AAAS: variants seen among roughly 807,000 people sequenced by gnomAD.
The protein encoded by AAAS is aladin.
In AAAS, 60 loss-of-function variants were observed where a neutral mutation model predicts 75.6. The observed-to-expected ratio is 0.79, with a 90% confidence interval of 0.64 to 0.98. The LOEUF (loss-of-function observed/expected upper bound fraction) is 0.98, where lower values mean the gene tolerates loss of function less well. Among genes scored for constraint, AAAS ranks in the 50% least tolerant of loss-of-function variants. The pLI, the probability that AAAS is intolerant of heterozygous loss-of-function variation, is 0.00. For synonymous variants in AAAS, 271 were observed against 265.0 expected, an observed-to-expected ratio of 1.02 and a Z score of -0.22; for missense variants, 658 against 686.9, an observed-to-expected ratio of 0.96 and a Z score of 0.47.
At chr12:53,312,917 C>T (rs1334855819) in intron 7 of AAAS, among the ~76,000 whole-genome samples, 3 of 149,030 alleles carry the variant, frequency 2.0e-5, no homozygotes, top group South Asian at 2.1e-4. Flanking sequence ...AGTACAGTGG[C>T]GTGATCTCAG....
intron 7 of AAAS, among the ~76,000 whole-genome samples, chr12:53,310,740 TCAGCTCC>T (rs1178079093): frequency 6.6e-6 from 1 of 152,164 alleles, no homozygotes; most frequent in Admixed American, 6.6e-5. Flanking sequence ...ATAACCACCT[TCAGCTCC>T]AGTGAAGTCT....
rs1944352361 is a variant in AAAS at position 53,309,482 on chromosome 12, G to A, written c.810+119C>T. 6 of 1,569,326 alleles carry A rather than the reference G, an allele frequency of 3.8e-6. No individual in the cohort carries two copies. The South Asian group carries it at 6.9e-5, about 18-fold the overall frequency. On this transcript the variant is annotated intron_variant, in intron 8 of 15. Coordinates refer to ENST00000209873, the MANE Select transcript of AAAS (RefSeq NM_015665.6). Reference sequence around the variant, plus strand: ...GTCTGATGGCAAAGCTCCTCTCTGGGTAAGTTTAAGACTGAATGGACCAAG... The same window carrying A: ...GTCTGATGGCAAAGCTCCTCTCTGGATAAGTTTAAGACTGAATGGACCAAG...
At chr12:53,312,797 A>G (rs1944408934) in intron 7 of AAAS, among the ~76,000 whole-genome samples, 1 of 149,272 alleles carries the variant, frequency 6.7e-6, no homozygotes. Context: ...ATATATATAT[A>G]TACGTGTATA....
intron 7 of AAAS, among the ~76,000 whole-genome samples, chr12:53,310,204 T>C (rs1262956233): frequency 5.9e-5 from 9 of 152,166 alleles, no homozygotes; most frequent in Admixed American, 5.2e-4. Context: ...CAAACAGCCC[T>C]CCTGCCTTGC....
chr12:53,320,944 CCT>C (rs1357675328), intron 1 of AAAS: 31 of 557,146 alleles, frequency 5.6e-5, no homozygotes, highest in Non-Finnish European at 9.6e-5. Flanking sequence ...CCTGACTCAG[CCT>C]CTTTCTTACA....
In AAAS at chr12:53,308,975, T is replaced by G; in HGVS notation, c.981A>C (p.Leu327=). 1 of 1,614,196 alleles carries G rather than the reference T, an allele frequency of 6.2e-7. No individual in the cohort carries two copies. Among genetic ancestry groups the G allele is most frequent in the Non-Finnish European group, 8.5e-7 (1 of 1,180,028 alleles). ...QMWTCERWPT[L]SGRCQTGCWS... ...CCCCTCTTACCTGACAGCGCCCTGATAGAGTAGGCCACCTCTCACAAGTCC... is the reference window on the plus strand; with the variant it reads ...CCCCTCTTACCTGACAGCGCCCTGAGAGAGTAGGCCACCTCTCACAAGTCC... The change falls in exon 10 of 16, where the codon CTA becomes CTC. Residue 327 remains leucine (L), a synonymous_variant. Coordinates refer to ENST00000209873, the MANE Select transcript of AAAS (RefSeq NM_015665.6).
intron 2 of AAAS, 23 bp downstream of exon 2, chr12:53,320,542 G>A: frequency 6.2e-7 from 1 of 1,613,184 alleles, no homozygotes; most frequent in Non-Finnish European, 8.5e-7. Flanking sequence ...CTGTGACCCA[G>A]GAAACCCTTT....
chr12:53,321,199 G>A, intron 1 of AAAS, 144 bp downstream of exon 1: 2 of 1,302,442 alleles, frequency 1.5e-6, no homozygotes, highest in Non-Finnish European at 2.1e-6. Flanking sequence ...ACAGATTCCA[G>A]CCCTTCTAGC....
chr12:53,307,553 G>T lies in AAAS; in HGVS notation c.1577C>A (p.Ala526Asp), dbSNP rs1482342165. Reference sequence around the variant, plus strand: ...TGGCCCTGGGAGAGGGTCCCAAGGGGCAGAGGTTGGGGATGTCTCAGTAAA... The same window carrying T: ...TGGCCCTGGGAGAGGGTCCCAAGGGTCAGAGGTTGGGGATGTCTCAGTAAA... ...PLFTETSPTS[A>D]PWDPLPGPPP... The change falls in exon 16 of 16, where the codon GCC (alanine) becomes GAC (aspartate). Residue 526 changes from alanine to aspartate, a missense_variant. Ala to Asp is a moderately radical substitution (Grantham distance 126). Transcript: ENST00000209873. 1 of 1,614,086 alleles carries T rather than the reference G, an allele frequency of 6.2e-7. No homozygotes were observed. The highest frequency in any genetic ancestry group is 1.7e-5 in the Admixed American group (1 of 60,012).
At chr12:53,315,832 C>A in intron 2 of AAAS, 50 bp from the exon 3 acceptor site, 3 of 1,591,260 alleles carry the variant, frequency 1.9e-6, no homozygotes, top group Non-Finnish European at 1.7e-6. Context: ...CCCTCTGTCC[C>A]TCTCTACCAG....
chr12:53,320,414 G>A (rs757105301), intron 2 of AAAS, 151 bp downstream of exon 2: 80 of 1,074,350 alleles, frequency 7.4e-5, no homozygotes, highest in Non-Finnish European at 9.8e-5. Flanking sequence ...CTATAATAAG[G>A]ACTAAAAATT....
chr12:53,309,119 C>G (rs1944344781), intron 9 of AAAS, 38 bp downstream of exon 9: 2 of 1,614,206 alleles, frequency 1.2e-6, no homozygotes, highest in Non-Finnish European at 8.5e-7. Flanking sequence ...GTGCCTTTCT[C>G]TAGGTCCTTG....
Position 53,308,793 on chromosome 12 carries a change from C to T in AAAS, c.1019G>A (p.Gly340Asp). ...CAATACAGTGAACAGCAGTCGGCTGCCATCTGGGCTCCAGCAGCCAGTCTG... is the reference window on the plus strand; with the variant it reads ...CAATACAGTGAACAGCAGTCGGCTGTCATCTGGGCTCCAGCAGCCAGTCTG... Reference protein sequence around the residue: ...RCQTGCWSPDGSRLLFTVLGE... With the variant: ...RCQTGCWSPDDSRLLFTVLGE... The change falls in exon 11 of 16, where the codon GGC becomes GAC. Residue 340 changes from glycine (G) to aspartate (D), a missense_variant. By Grantham distance (94) the Gly-to-Asp change is moderately conservative. Transcript: ENST00000209873. 6.2e-7 allele frequency: 1 copy of T among 1,614,070 alleles called. No individual in the cohort carries two copies. The highest frequency in any genetic ancestry group is 8.5e-7 in the Non-Finnish European group (1 of 1,180,040).
chr12:53,308,818 G>A lies in AAAS; in HGVS notation c.997-3C>T. 1 of 1,613,968 alleles carries A rather than the reference G, an allele frequency of 6.2e-7. No individual in the cohort carries two copies. Among genetic ancestry groups the A allele is most frequent in the Middle Eastern group, 1.6e-4 (1 of 6,062 alleles). ...CCATCTGGGCTCCAGCAGCCAGTCT[G>A]GGGTCAGGGAGCAAAAGGCAGGAGA... is the stretch of plus-strand genomic sequence containing the variant. On this transcript the variant is annotated splice_polypyrimidine_tract_variant and splice_region_variant and intron_variant, in intron 10 of 15. Coordinates refer to ENST00000209873, the MANE Select transcript of AAAS (RefSeq NM_015665.6).
chr12:53,315,475 A>G (rs1363368854), intron 3 of AAAS, 49 bp from the exon 4 acceptor site: 1 of 1,529,366 alleles, frequency 6.5e-7, no homozygotes. Flanking sequence ...CAGGCCTCTT[A>G]CCAGGTACCT....
intron 7 of AAAS, 140 bp downstream of exon 7, chr12:53,314,158 T>C: frequency 7.8e-7 from 1 of 1,276,900 alleles, no homozygotes. Context: ...CAACCCACCT[T>C]GATCTTACTT....
In AAAS at chr12:53,314,449, G is replaced by A. The variant is rs371783768; in HGVS notation, c.546-8C>T. Reference sequence around the variant, plus strand: ...AGGGAGGGGACTATGGTGCTAGGGTGAAGGGGCAGGAAACTGAGTCAAGGC... The same window carrying A: ...AGGGAGGGGACTATGGTGCTAGGGTAAAGGGGCAGGAAACTGAGTCAAGGC... On this transcript the variant is annotated splice_polypyrimidine_tract_variant and splice_region_variant and intron_variant, in intron 6 of 15. Transcript: ENST00000209873. 1.2e-6 allele frequency: 2 copies of A among 1,613,936 alleles called. No individual in the cohort carries two copies. The highest frequency in any genetic ancestry group is 2.2e-5 in the South Asian group (2 of 91,074).
chr12:53,320,894 T>C, intron 1 of AAAS: 1 of 634,980 alleles, frequency 1.6e-6, no homozygotes. Flanking sequence ...TTTCATAGGG[T>C]TGCTGTGATT....
Position 53,308,288 on chromosome 12 carries a change from T to C in AAAS, c.1243A>G (p.Met415Val). 1 of 1,614,180 alleles carries C rather than the reference T, an allele frequency of 6.2e-7. No homozygotes were observed. The highest frequency in any genetic ancestry group is 1.1e-5 in the South Asian group (1 of 91,080). The change falls in exon 13 of 16, where the codon ATG becomes GTG. Residue 415 changes from methionine to valine, a missense_variant. Met to Val is a conservative substitution (Grantham distance 21). Coordinates refer to ENST00000209873, the MANE Select transcript of AAAS (RefSeq NM_015665.6). ...CTTCATCCTTGCCTCTCACCTTTCA[T>C]AAGCACAGCCAGACGTTCCCCACTG... is the stretch of plus-strand genomic sequence containing the variant. ...DPSGERLAVL[M>V]KGKPRVQDGK...
Sources: allele counts gnomAD v4.1 joint callset (sites outside exome capture counted in the v4.1 genomes callset), GRCh38; gene constraint gnomAD v4.1.1; transcripts MANE v1.5; gene names NCBI Gene and HGNC (gene_info 2026-07-23, HGNC 2026-07-21).